The following PLAAT3 variants were observed in gnomAD, a reference collection of about 807,000 sequenced individuals.
PLAAT3 encodes the protein Ca-independent phospholipase A1/2.
In PLAAT3, 21 loss-of-function variants were observed where a neutral mutation model predicts 16.7. That is an observed-to-expected ratio of 1.26 (90% confidence interval 0.89 to 1.81). PLAAT3 has a LOEUF of 1.81. Ranked by LOEUF, PLAAT3 falls within the 40% of genes most tolerant of loss-of-function variation. The probability of loss-of-function intolerance (pLI) is 0.00; values close to 1 mark genes in which losing one functional copy is unlikely to be tolerated. For synonymous variants in PLAAT3, 76 were observed against 81.7 expected, an observed-to-expected ratio of 0.93 and a Z score of 0.38; for missense variants, 219 against 213.7, an observed-to-expected ratio of 1.02 and a Z score of -0.16.
In PLAAT3 at chr11:63,590,386, G is replaced by C; in HGVS notation, c.119-18C>G. ...GACCTCACCTGCAGATCCACAAAGAGGAAACAGAGGGATTGGTCCTGGGAA... is the reference window on the plus strand; with the variant it reads ...GACCTCACCTGCAGATCCACAAAGACGAAACAGAGGGATTGGTCCTGGGAA... On this transcript the variant is annotated intron_variant, in intron 3 of 4. Coordinates refer to ENST00000415826, the MANE Select transcript of PLAAT3 (RefSeq NM_001128203.2). The C allele has an allele frequency of 6.2e-6, 10 of 1,611,808 alleles. No individual in the cohort carries two copies. The highest frequency in any genetic ancestry group is 8.5e-6 in the Non-Finnish European group (10 of 1,179,024).
chr11:63,575,871 G>C (rs2017652446), intron 4 of PLAAT3, among the ~76,000 whole-genome samples: 1 of 152,178 alleles, frequency 6.6e-6, no homozygotes, highest in South Asian at 2.1e-4. Context: ...AAGTGGGAAA[G>C]AATGAGAGAG....
chr11:63,589,993 T>C, intron 4 of PLAAT3, 107 bp downstream of exon 4: 3 of 941,012 alleles, frequency 3.2e-6, no homozygotes, highest in Non-Finnish European at 4.6e-6. Flanking sequence ...GCAGTAATTC[T>C]GTCTCTGCTA....
intron 2 of PLAAT3, among the ~76,000 whole-genome samples, chr11:63,609,606 GAGA>G (rs1053400034): frequency 7.2e-5 from 11 of 152,226 alleles, no homozygotes; most frequent in African/African-American, 2.4e-4. Context: ...GGACAGGGAG[GAGA>G]AGGAGGCCTG....
In PLAAT3 at chr11:63,598,137, A is replaced by T; in HGVS notation, c.42T>A (p.Ile14=). 1 of 1,610,472 alleles carries T rather than the reference A, an allele frequency of 6.2e-7. No homozygotes were observed. The highest frequency in any genetic ancestry group is 8.5e-7 in the Non-Finnish European group (1 of 1,176,608). ...GTCTGTAGAAAGGGCGAAAAATCTC[A>T]ATCAGGTCTCCAGGCTTAGGCTCTG... The part of the protein sequence containing the change: ...PIPEPKPGDL[I]EIFRPFYRHW... The change falls in exon 3 of 5, where the codon ATT becomes ATA. Residue 14 remains isoleucine (I), a synonymous_variant. Coordinates refer to ENST00000415826, the MANE Select transcript of PLAAT3 (RefSeq NM_001128203.2).
At chr11:63,615,221 T>TAC (rs1364357867), upstream of PLAAT3, among the ~76,000 whole-genome samples, 1 of 55,212 alleles carries the variant, frequency 1.8e-5, no homozygotes, top group African/African-American at 6.2e-5. Context: ...TATATATGTG[T>TAC]ATATATGTGT....
chr11:63,584,403 T>C (rs1041418777), intron 4 of PLAAT3, among the ~76,000 whole-genome samples: 1 of 151,728 alleles, frequency 6.6e-6, no homozygotes, highest in Admixed American at 6.6e-5. Context: ...TAGGAGAATC[T>C]TTTTTTTAGA....
chr11:63,590,838 T>C (rs567156269), intron 3 of PLAAT3, among the ~76,000 whole-genome samples: 1 of 152,162 alleles, frequency 6.6e-6, no homozygotes, highest in Admixed American at 6.5e-5. Flanking sequence ...CGCACAGCTG[T>C]CCCCCTAGCT....
intron 4 of PLAAT3, among the ~76,000 whole-genome samples, chr11:63,582,706 G>A (rs1408846839): frequency 6.6e-6 from 1 of 152,112 alleles, no homozygotes; most frequent in Non-Finnish European, 1.5e-5. Context: ...TGTTTCCTGA[G>A]GTTAAACACA....
chr11:63,616,173 T>G (rs1938867393), upstream of PLAAT3: 2 of 152,186 alleles, frequency 1.3e-5, no homozygotes, highest in Admixed American at 1.3e-4. Context: ...CACCATGTTG[T>G]GCAATAGATC....
intron 2 of PLAAT3, among the ~76,000 whole-genome samples, chr11:63,605,325 G>T (rs1159794819): frequency 6.6e-6 from 1 of 152,006 alleles, no homozygotes; most frequent in Non-Finnish European, 1.5e-5. Flanking sequence ...TTAAACTCAG[G>T]AGGCAGAGGT....
At chr11:63,610,360 T>C (rs1321712813) in intron 2 of PLAAT3, among the ~76,000 whole-genome samples, 1 of 152,222 alleles carries the variant, frequency 6.6e-6, no homozygotes, top group Non-Finnish European at 1.5e-5. Flanking sequence ...GGATGATTCA[T>C]TGTTAAGCCT....
At chr11:63,595,979 C>T (rs1032196166) in intron 3 of PLAAT3, among the ~76,000 whole-genome samples, 1 of 151,836 alleles carries the variant, frequency 6.6e-6, no homozygotes, top group East Asian at 1.9e-4. Flanking sequence ...CAGTGGCTCA[C>T]GCCTGTAATC....
At chr11:63,614,257 G>A (rs1255803320) in intron 1 of PLAAT3, 128 bp downstream of exon 1, 3 of 583,396 alleles carry the variant, frequency 5.1e-6, no homozygotes, top group Non-Finnish European at 9.1e-6. Context: ...AGGTGCCAGC[G>A]GGCGGCTCGG....
intron 3 of PLAAT3, among the ~76,000 whole-genome samples, chr11:63,596,817 C>T (rs761201863): frequency 2.6e-5 from 4 of 152,032 alleles, no homozygotes; most frequent in South Asian, 2.1e-4. Context: ...TGTGGCACTC[C>T]GGACATGGTG....
At chr11:63,578,986 T>TAATA (rs1281417992) in intron 4 of PLAAT3, among the ~76,000 whole-genome samples, 2 of 152,158 alleles carry the variant, frequency 1.3e-5, no homozygotes, top group Admixed American at 1.3e-4. Flanking sequence ...GACAAAGGGC[T>TAATA]AATATCCAGA....
At chr11:63,579,178 A>G (rs1252721418) in intron 4 of PLAAT3, among the ~76,000 whole-genome samples, 1 of 152,230 alleles carries the variant, frequency 6.6e-6, no homozygotes, top group Non-Finnish European at 1.5e-5. Flanking sequence ...ATGAGATACC[A>G]TCTCATACCA....
intron 4 of PLAAT3, among the ~76,000 whole-genome samples, chr11:63,586,128 G>A (rs1937967935): frequency 6.6e-6 from 1 of 152,006 alleles, no homozygotes; most frequent in African/African-American, 2.4e-5. Context: ...GTGTGTGTGT[G>A]TGTGCACGTG....
At chr11:63,588,507 C>T (rs962830058) in intron 4 of PLAAT3, among the ~76,000 whole-genome samples, 1 of 152,144 alleles carries the variant, frequency 6.6e-6, no homozygotes, top group Non-Finnish European at 1.5e-5. Flanking sequence ...TTTAACCTGA[C>T]AATATTCAGG....
intron 3 of PLAAT3, among the ~76,000 whole-genome samples, chr11:63,591,447 T>A (rs1376325566): frequency 6.6e-6 from 1 of 152,058 alleles, no homozygotes; most frequent in African/African-American, 2.4e-5. Flanking sequence ...CCAGGGAGCA[T>A]GTCAAAGGAG....
Sources: gnomAD v4.1 joint callset for allele counts (sites outside exome capture counted in the v4.1 genomes callset) on GRCh38, gnomAD v4.1.1 for gene constraint, MANE v1.5 for transcripts, NCBI Gene and HGNC (gene_info 2026-07-23, HGNC 2026-07-21) for gene names.